Variants in PACS1 observed in about 807,000 individuals in gnomAD.
PACS1 encodes phosphofurin acidic cluster sorting protein 1.
PACS1 carries 24 observed loss-of-function variants against 115.0 expected under a neutral mutation model. The observed-to-expected ratio is 0.21, with a 90% CI of 0.15 to 0.29. PACS1 has a LOEUF of 0.29. Among genes scored for constraint, PACS1 ranks in the 10% least tolerant of loss-of-function variants. The probability of loss-of-function intolerance (pLI) is 1.00; values close to 1 mark genes in which losing one functional copy is unlikely to be tolerated. For synonymous variants in PACS1, 453 were observed against 504.5 expected (o/e 0.90, Z 1.37); for missense variants, 838 against 1,251.2 (o/e 0.67, Z 4.98).
intron 1 of PACS1, among the ~76,000 whole-genome samples, chr11:66,079,449 C>A (rs539603979): frequency 1.1e-4 from 17 of 151,816 alleles, no homozygotes; most frequent in African/African-American, 3.9e-4. Flanking sequence ...TGTTTACAAA[C>A]ACCAAATGGC....
At chr11:66,143,192 A>G (rs1859038305) in intron 1 of PACS1, among the ~76,000 whole-genome samples, 1 of 152,186 alleles carries the variant, frequency 6.6e-6, no homozygotes, top group African/African-American at 2.4e-5. Context: ...TTTGTAATCA[A>G]TTCCGCCTTA....
intron 2 of PACS1, among the ~76,000 whole-genome samples, chr11:66,198,409 C>T (rs753540072): frequency 3.3e-5 from 5 of 152,178 alleles, no homozygotes; most frequent in Non-Finnish European, 7.3e-5. Context: ...CATACAGCTT[C>T]GGAATACTAT....
At chr11:66,161,304 T>G (rs1226038515) in intron 1 of PACS1, among the ~76,000 whole-genome samples, 1 of 152,032 alleles carries the variant, frequency 6.6e-6, no homozygotes, top group African/African-American at 2.4e-5. Flanking sequence ...AAAAAAAAAT[T>G]AGCCGGGCGT....
intron 4 of PACS1, among the ~76,000 whole-genome samples, chr11:66,212,701 G>A (rs913042928): frequency 2.0e-5 from 3 of 152,178 alleles, no homozygotes; most frequent in Middle Eastern, 3.4e-3. Flanking sequence ...AAGAAGAAAG[G>A]CAACTATCTT....
chr11:66,217,259 T>C (rs917585640), intron 7 of PACS1: 24 of 303,654 alleles, frequency 7.9e-5, no homozygotes, highest in South Asian at 1.4e-4. Context: ...CGTTCCTGCC[T>C]TAACGGATCC....
intron 7 of PACS1, 101 bp downstream of exon 7, chr11:66,216,876 C>T (rs1855225534): frequency 4.9e-6 from 3 of 612,834 alleles, no homozygotes; most frequent in Non-Finnish European, 8.5e-6. Context: ...TTAAAATCAA[C>T]ACAGGGTCAT....
chr11:66,174,430 C>G (rs1386826472), intron 1 of PACS1, among the ~76,000 whole-genome samples: 1 of 151,930 alleles, frequency 6.6e-6, no homozygotes, highest in Non-Finnish European at 1.5e-5. Context: ...AAATATACAC[C>G]CAGGAGAAAT....
chr11:66,149,679 C>CATGT (rs1554982390), intron 1 of PACS1, among the ~76,000 whole-genome samples: 5,473 of 118,386 alleles, frequency 0.046, 236 homozygotes, highest in African/African-American at 0.12. Flanking sequence ...ATCTTGTGTT[C>CATGT]GTGTGTGTGT....
Position 66,233,190 on chromosome 11 carries a change from G to T in PACS1, c.1838+124G>T. 1 of 695,160 alleles carries T rather than the reference G, an allele frequency of 1.4e-6. No individual in the cohort carries two copies. Among genetic ancestry groups the T allele is most frequent in the South Asian group, 1.8e-5 (1 of 54,976 alleles). The allele number at this position is 695,160 out of a possible 1,614,324, so 43.1% of individuals were successfully genotyped here. A position where few individuals can be genotyped will look rare whatever the true frequency, so the allele number is the denominator to read the frequency against. ...TCAGACCAAGAATTTGCAGAGGGGC[G>T]TATGTTTAGGGGGGTGGCGGCAGCA... On this transcript the variant is annotated intron_variant, in intron 15 of 23. Coordinates refer to ENST00000320580, the MANE Select transcript of PACS1 (RefSeq NM_018026.4). The surrounding 1 kb of genome is among the most constrained non-coding windows in gnomAD (Gnocchi z 4.5).
chr11:66,090,424 T>G (rs1366854478), intron 1 of PACS1, among the ~76,000 whole-genome samples: 1 of 151,934 alleles, frequency 6.6e-6, no homozygotes, highest in African/African-American at 2.4e-5. Flanking sequence ...AGGCCCGTGC[T>G]GCCACACCCA....
chr11:66,233,152 C>A lies in PACS1; in HGVS notation c.1838+86C>A. The A allele has an allele frequency of 1.0e-6, 1 of 1,003,624 alleles. No individual in the cohort carries two copies. The highest frequency in any genetic ancestry group is 1.5e-6 in the Non-Finnish European group (1 of 656,548). The allele number at this position is 1,003,624 out of a possible 1,614,324, so 62.2% of individuals were successfully genotyped here. A position where few individuals can be genotyped will look rare whatever the true frequency, so the allele number is the denominator to read the frequency against. On this transcript the variant is annotated intron_variant, in intron 15 of 23. Coordinates refer to ENST00000320580, the MANE Select transcript of PACS1 (RefSeq NM_018026.4). This position sits in a 1 kb window ranked among gnomAD's most constrained non-coding sequence, Gnocchi z 4.5. ...CCCTGACTTCTAAGCAATGATAGAC[C>A]CTCCTGGCCTCATCAGACCAAGAAT...
At chr11:66,240,934 GA>G (rs143795040) in intron 21 of PACS1, 3,041 of 152,954 alleles carry the variant, frequency 0.02, 123 homozygotes, top group African/African-American at 0.07. Context: ...AGAGTGCCAT[GA>G]AAAGGAGAAA....
At chr11:66,241,170 C>T in intron 21 of PACS1, 1 of 468,904 alleles carries the variant, frequency 2.1e-6, no homozygotes, top group Non-Finnish European at 3.9e-6. Flanking sequence ...GCTTCCTTCT[C>T]TGCTGCCCTT....
At chr11:66,138,050 T>A (rs1280059816) in intron 1 of PACS1, among the ~76,000 whole-genome samples, 1 of 152,014 alleles carries the variant, frequency 6.6e-6, no homozygotes, top group Non-Finnish European at 1.5e-5. Flanking sequence ...AAATTCTGAT[T>A]CAGTAGGTCT....
chr11:66,100,112 T>G (rs1857879700), intron 1 of PACS1, among the ~76,000 whole-genome samples: 1 of 152,074 alleles, frequency 6.6e-6, no homozygotes, highest in African/African-American at 2.4e-5. Context: ...ACTCCTGACC[T>G]CAGGTGATCT....
At chr11:66,177,785 A>T (rs1487962722) in intron 1 of PACS1, among the ~76,000 whole-genome samples, 3 of 151,258 alleles carry the variant, frequency 2.0e-5, no homozygotes, top group African/African-American at 7.3e-5. Flanking sequence ...CTAATTTTTA[A>T]TTTTTTTTTG....
At chr11:66,101,385 T>TA (rs1199051867) in intron 1 of PACS1, among the ~76,000 whole-genome samples, 1 of 152,226 alleles carries the variant, frequency 6.6e-6, no homozygotes, top group African/African-American at 2.4e-5. Flanking sequence ...ATCTTGTTTT[T>TA]AAAAAATAGA....
intron 1 of PACS1, among the ~76,000 whole-genome samples, chr11:66,177,120 C>G (rs1374122359): frequency 3.9e-5 from 6 of 151,920 alleles, no homozygotes; most frequent in Non-Finnish European, 8.8e-5. Context: ...GCAAGGATAG[C>G]AAAAAGGAAA....
At chr11:66,240,196 G>A (rs755106908) in intron 21 of PACS1, among the ~76,000 whole-genome samples, 1 of 152,214 alleles carries the variant, frequency 6.6e-6, no homozygotes, top group Non-Finnish European at 1.5e-5. Flanking sequence ...GGCGGAGCTC[G>A]GGTTCAGGCT....
Sources: gnomAD v4.1 joint callset for allele counts (sites outside exome capture counted in the v4.1 genomes callset) on GRCh38, gnomAD v4.1.1 for gene constraint, Gnocchi (gnomAD v3.1) non-coding constraint, MANE v1.5 for transcripts, NCBI Gene and HGNC (gene_info 2026-07-23, HGNC 2026-07-21) for gene names.